FGFR2: variants seen among roughly 807,000 people sequenced by gnomAD.
FGFR2 encodes BEK fibroblast growth factor receptor.
In FGFR2, 19 loss-of-function variants were observed where a neutral mutation model predicts 95.9. The observed-to-expected ratio is 0.20, with a 90% CI of 0.14 to 0.29. The LOEUF (loss-of-function observed/expected upper bound fraction) is 0.29. Ranked by LOEUF, FGFR2 falls within the 10% of genes least tolerant of loss-of-function variation. The pLI is 1.00. For synonymous variants in FGFR2, 392 were observed against 393.3 expected, an observed-to-expected ratio of 1.00 and a Z score of 0.04; for missense variants, 707 against 1,056.9, an observed-to-expected ratio of 0.67 and a Z score of 4.59.
intron 4 of FGFR2, among the ~76,000 whole-genome samples, chr10:121,552,269 A>C (rs1855518898): frequency 6.6e-6 from 1 of 152,206 alleles, no homozygotes; most frequent in Non-Finnish European, 1.5e-5. Flanking sequence ...ATTTTTTCTA[A>C]ATAAAAGCCA....
Position 121,517,548 on chromosome 10 carries a change from C to CG in FGFR2, c.940-86dup. On this transcript the variant is annotated intron_variant, in intron 7 of 17. Coordinates refer to ENST00000358487, the MANE Select transcript of FGFR2 (RefSeq NM_000141.5). The surrounding 1 kb of genome is among the most constrained non-coding windows in gnomAD (Gnocchi z 4.7). ...GCTGTGGAACCACAAGGCGTCGCAC[C>CG]GGGGGCTTCAGGGGGTGCTGGCCAC... 6.4e-7 allele frequency: 1 copy of CG among 1,554,910 alleles called. No homozygotes were observed. Among genetic ancestry groups the CG allele is most frequent in the Non-Finnish European group, 8.8e-7 (1 of 1,133,266 alleles).
At position 121,485,657 on chromosome 10, in the gene FGFR2, G is replaced by A; in HGVS notation, c.2058-125C>T. The A allele has an allele frequency of 8.0e-7, 1 of 1,255,944 alleles. No individual in the cohort carries two copies. The highest frequency in any genetic ancestry group is 2.4e-5 in the East Asian group (1 of 41,418). 77.8% of individuals were successfully genotyped at this position (1,255,944 alleles called of 1,614,324 possible). On this transcript the variant is annotated intron_variant, in intron 15 of 17. Coordinates refer to ENST00000358487, the MANE Select transcript of FGFR2 (RefSeq NM_000141.5). This position sits in a 1 kb window ranked among gnomAD's most constrained non-coding sequence, Gnocchi z 4.2. ...TCAAAGACAAATGGGCCCTCCTGCA[G>A]TTCCTCCTATGTGCTCTTTCCTGCC... is the stretch of plus-strand genomic sequence containing the variant.
intron 11 of FGFR2, 58 bp from the exon 12 acceptor site, chr10:121,498,663 A>G: frequency 7.0e-7 from 1 of 1,423,500 alleles, no homozygotes; most frequent in Non-Finnish European, 9.9e-7. Flanking sequence ...ATGGGCAGCT[A>G]CTGTTAGTTG....
intron 4 of FGFR2, among the ~76,000 whole-genome samples, chr10:121,563,623 C>T (rs1857269919): frequency 6.6e-6 from 1 of 152,170 alleles, no homozygotes; most frequent in South Asian, 2.1e-4. Context: ...CTTCTGAGCA[C>T]TATACAACTA....
chr10:121,538,980 G>T (rs1853281437), intron 5 of FGFR2, among the ~76,000 whole-genome samples: 1 of 152,234 alleles, frequency 6.6e-6, no homozygotes, highest in African/African-American at 2.4e-5. Context: ...TTACCATAAT[G>T]GATTTGAGGG....
chr10:121,510,140 A>G (rs1476280688), intron 9 of FGFR2, among the ~76,000 whole-genome samples: 2 of 152,148 alleles, frequency 1.3e-5, no homozygotes, highest in Non-Finnish European at 2.9e-5. Flanking sequence ...TAATTCCTCC[A>G]TAACAAAATT....
chr10:121,589,848 C>T (rs1281529869), intron 2 of FGFR2, among the ~76,000 whole-genome samples: 4 of 152,216 alleles, frequency 2.6e-5, no homozygotes, highest in Admixed American at 2.6e-4. Flanking sequence ...TATTAACACT[C>T]ATATTGAAAA....
chr10:121,575,851 T>A lies in FGFR2; in HGVS notation c.110-10147A>T, dbSNP rs546589097. ...AGCCGGGTGACAGAGCGAGACTTCA[T>A]CTCAAAAAAATAAATAAATAAATAA... On this transcript the variant is annotated intron_variant, in intron 2 of 17. Coordinates refer to ENST00000358487, the MANE Select transcript of FGFR2 (RefSeq NM_000141.5). Among the ~76,000 whole-genome samples the A allele has an allele frequency of 2.7e-4, 35 of 130,556 alleles. No homozygotes were observed. The East Asian group carries it at 6.3e-3, about 24-fold the overall frequency. The allele number at this position is 130,556 out of a possible 152,430, so 85.6% of individuals were successfully genotyped here. A position where few individuals can be genotyped will look rare whatever the true frequency, so the allele number is the denominator to read the frequency against.
intron 6 of FGFR2, among the ~76,000 whole-genome samples, chr10:121,525,897 C>A (rs1436387628): frequency 6.6e-6 from 1 of 152,090 alleles, no homozygotes; most frequent in Non-Finnish European, 1.5e-5. Context: ...ATAAATTAAT[C>A]AAGCACAGAG....
intron 17 of FGFR2, chr10:121,481,716 C>T (rs906543697): frequency 3.6e-5 from 8 of 224,776 alleles, no homozygotes; most frequent in Non-Finnish European, 5.3e-5. Context: ...GTACTAGATA[C>T]AAATTTCAGT....
rs1324502328 is a variant in FGFR2, at chr10:121,485,653, T to C, written c.2058-121A>G. On this transcript the variant is annotated intron_variant, in intron 15 of 17. Transcript: ENST00000358487. This position sits in a 1 kb window ranked among gnomAD's most constrained non-coding sequence, Gnocchi z 4.2. ...AAGTTCAAAGACAAATGGGCCCTCC[T>C]GCAGTTCCTCCTATGTGCTCTTTCC... The C allele has an allele frequency of 3.9e-6, 5 of 1,293,052 alleles. No homozygotes were observed. The African/African-American group carries it at 7.3e-5, about 19-fold the overall frequency. The allele number at this position is 1,293,052 out of a possible 1,614,324, so 80.1% of individuals were successfully genotyped here.
intron 5 of FGFR2, among the ~76,000 whole-genome samples, chr10:121,540,677 G>A (rs1297975969): frequency 6.6e-6 from 1 of 152,124 alleles, no homozygotes; most frequent in African/African-American, 2.4e-5. Context: ...CCAGTCATGT[G>A]GCAGGTAACT....
intron 13 of FGFR2, among the ~76,000 whole-genome samples, chr10:121,490,669 C>G (rs1048666404): frequency 6.6e-6 from 1 of 152,108 alleles, no homozygotes; most frequent in Admixed American, 6.5e-5. Context: ...AACTATCATA[C>G]GAAGCAGAAA....
intron 11 of FGFR2, 34 bp from the exon 12 acceptor site, chr10:121,498,639 A>G (rs2133978761): frequency 6.4e-7 from 1 of 1,574,624 alleles, no homozygotes; most frequent in Non-Finnish European, 8.7e-7. Context: ...AAATCAGTTC[A>G]TTTCCTCTAA....
At position 121,514,740 on chromosome 10, in the gene FGFR2, G is replaced by A. The variant is rs531464877; in HGVS notation, c.1287+377C>T. On this transcript the variant is annotated intron_variant, in intron 9 of 17. Transcript: ENST00000358487. ...GCATAAGTCCCAAGCGAATGTTCAT[G>A]CTTATCTTAAAAAAGGTATTAGATC... Among the ~76,000 whole-genome samples, 7 of 152,328 alleles carry A rather than the reference G, an allele frequency of 4.6e-5. No individual in the cohort carries two copies. In the East Asian group the frequency reaches 1.3e-3, roughly 29 times the overall value.
Position 121,510,903 on chromosome 10 carries a change from G to A in FGFR2, c.1287+4214C>T, listed in dbSNP as rs1848970615. ...TGCAACCTCTACCTCCTGGGTTCTA[G>A]TGATTCTCCTGCCTTAGTTTCCCAA... On this transcript the variant is annotated intron_variant, in intron 9 of 17. Coordinates refer to ENST00000358487, the MANE Select transcript of FGFR2 (RefSeq NM_000141.5). Among the ~76,000 whole-genome samples, 3 of 151,986 alleles carry A rather than the reference G, an allele frequency of 2.0e-5. No individual in the cohort carries two copies. The South Asian group carries it at 6.2e-4, about 32-fold the overall frequency.
At chr10:121,484,554 C>T (rs937378769) in intron 16 of FGFR2, among the ~76,000 whole-genome samples, 2 of 152,184 alleles carry the variant, frequency 1.3e-5, no homozygotes, top group African/African-American at 4.8e-5. Flanking sequence ...TATAAAATCC[C>T]CATGAAATGA....
intron 2 of FGFR2, chr10:121,566,035 C>CA: frequency 2.4e-6 from 1 of 421,814 alleles, no homozygotes; most frequent in South Asian, 2.4e-5. Flanking sequence ...GTAATACCTG[C>CA]AAAAATCTGT....
chr10:121,519,948 G>A (rs2134305791), intron 7 of FGFR2, 31 bp downstream of exon 7: 1 of 1,609,894 alleles, frequency 6.2e-7, no homozygotes, highest in Non-Finnish European at 8.5e-7. Context: ...GACCCCAGTT[G>A]TGGGTACCTT....
Sources: allele counts gnomAD v4.1 joint callset (sites outside exome capture counted in the v4.1 genomes callset), GRCh38; gene constraint gnomAD v4.1.1; non-coding constraint Gnocchi (gnomAD v3.1); transcripts MANE v1.5; gene names NCBI Gene and HGNC (gene_info 2026-07-23, HGNC 2026-07-21).